Variants in MPDZ observed in about 807,000 individuals in gnomAD.
The protein encoded by MPDZ is multiple PDZ domain protein.
A neutral mutation model predicts 239.1 loss-of-function variants in MPDZ; 234 were observed. That is an observed-to-expected ratio of 0.98 (90% confidence interval 0.88 to 1.09). The LOEUF is 1.09. MPDZ is among the 50% of genes least tolerant of loss of function. The pLI, the probability that MPDZ is intolerant of heterozygous loss-of-function variation, is 0.00. For missense variants in MPDZ, 3,175 were observed against 2,510.0 expected (o/e 1.26, Z -5.66); for synonymous variants, 1,048 against 881.3 (o/e 1.19, Z -3.35).
At position 13,158,056 on chromosome 9, in the gene MPDZ, A is replaced by C. The variant is rs1950036928; in HGVS notation, c.3414T>G (p.Leu1138=). ...REEGEGEESE[L]QNTAYSNWNQ... is the part of the protein sequence containing the mutation. ...TCCAATTGCTATATGCTGTGTTTTG[A>C]AGTTCGCTTTCTTCACCCTCTCCCT... Residue 1138 remains leucine, a synonymous_variant, in exon 24 of 47, where the codon CTT becomes CTG. Transcript: ENST00000319217. 1 of 1,612,722 alleles carries C rather than the reference A, an allele frequency of 6.2e-7. No homozygotes were observed. Among genetic ancestry groups the C allele is most frequent in the Admixed American group, 1.7e-5 (1 of 59,900 alleles).
chr9:13,168,411 G>T lies in MPDZ; in HGVS notation c.3209C>A (p.Ala1070Glu), dbSNP rs1356830957. The T allele has an allele frequency of 6.2e-7, 1 of 1,613,376 alleles. No individual in the cohort carries two copies. Among genetic ancestry groups the T allele is most frequent in the East Asian group, 2.2e-5 (1 of 44,854 alleles). ...ESTISVTNAQ[A>E]RAMLRRHSLI... ...AGAATGTCTTCTCAACATAGCTCGTGCCTGGGCATTGGTTACACTGATGGT... is the reference window on the plus strand; with the variant it reads ...AGAATGTCTTCTCAACATAGCTCGTTCCTGGGCATTGGTTACACTGATGGT... Residue 1070 changes from alanine to glutamate, a missense_variant, in exon 22 of 47, where the codon GCA becomes GAA. Transcript: ENST00000319217.
chr9:13,184,381 TTCTG>T (rs888757873), intron 18 of MPDZ, among the ~76,000 whole-genome samples: 8 of 151,994 alleles, frequency 5.3e-5, no homozygotes, highest in African/African-American at 1.7e-4. Flanking sequence ...TACCAGCATT[TTCTG>T]TCTATCTTGG....
chr9:13,133,615 G>T (rs1946327480), intron 32 of MPDZ, among the ~76,000 whole-genome samples: 1 of 152,156 alleles, frequency 6.6e-6, no homozygotes, highest in African/African-American at 2.4e-5. Context: ...CATCAGGCGG[G>T]TCTAATAAAA....
At chr9:13,158,667 A>G (rs1950114166) in intron 23 of MPDZ, among the ~76,000 whole-genome samples, 1 of 152,160 alleles carries the variant, frequency 6.6e-6, no homozygotes, top group African/African-American at 2.4e-5. Flanking sequence ...GGAACCTGGC[A>G]CAGAATACTT....
intron 10 of MPDZ, 94 bp from the exon 11 acceptor site, chr9:13,206,193 T>A: frequency 8.6e-7 from 1 of 1,167,030 alleles, no homozygotes; most frequent in Non-Finnish European, 1.2e-6. Flanking sequence ...GTTGTTAGTG[T>A]GAAAAGAATG....
intron 10 of MPDZ, among the ~76,000 whole-genome samples, chr9:13,212,434 A>G (rs183935251): frequency 6.6e-6 from 1 of 152,194 alleles, no homozygotes; most frequent in Non-Finnish European, 1.5e-5. Context: ...TAAAAGAGTA[A>G]AGAAGTGAGT....
chr9:13,172,756 G>C (rs1168286323), intron 21 of MPDZ, among the ~76,000 whole-genome samples: 1 of 152,238 alleles, frequency 6.6e-6, no homozygotes, highest in East Asian at 1.9e-4. Flanking sequence ...AGGCTGTTGA[G>C]GGAGGTTTAA....
intron 43 of MPDZ, among the ~76,000 whole-genome samples, chr9:13,111,542 A>G (rs932023816): frequency 2.0e-5 from 3 of 152,344 alleles, no homozygotes; most frequent in Middle Eastern, 3.4e-3. Flanking sequence ...ATGCTCCACA[A>G]TTTGGATAAT....
At position 13,268,038 on chromosome 9, in the gene MPDZ, T is replaced by C. The variant is rs150643032; in HGVS notation, c.-58+11362A>G. ...GTAAGATAAGGTATTCAAAAGTGTT[T>C]GGAAATGGGAAGAAGCATGGAAGCA... On this transcript the variant is annotated intron_variant, in intron 1 of 46. Transcript: ENST00000319217. Among the ~76,000 whole-genome samples the C allele has an allele frequency of 2.0e-3, 306 of 152,256 alleles. 2 individuals carry two copies. The highest frequency in any genetic ancestry group is 7.2e-3 in the African/African-American group (298 of 41,548).
At chr9:13,224,198 T>C (rs528557841) in intron 4 of MPDZ, among the ~76,000 whole-genome samples, 176 bp downstream of exon 4, 2 of 152,204 alleles carry the variant, frequency 1.3e-5, no homozygotes, top group East Asian at 1.9e-4. Flanking sequence ...ATTTAAATGA[T>C]GATAAAACTG....
At chr9:13,152,541 G>T (rs1285158902) in intron 24 of MPDZ, among the ~76,000 whole-genome samples, 1 of 152,010 alleles carries the variant, frequency 6.6e-6, no homozygotes, top group Non-Finnish European at 1.5e-5. Context: ...CACCATGATT[G>T]TGAGGCCTCC....
At chr9:13,205,177 G>A (rs1277280746) in intron 11 of MPDZ, 70 bp from the exon 12 acceptor site, 3 of 829,672 alleles carry the variant, frequency 3.6e-6, no homozygotes, top group Admixed American at 7.6e-5. Context: ...TCTAAACCCA[G>A]TATATTTATT....
intron 1 of MPDZ, among the ~76,000 whole-genome samples, chr9:13,270,125 T>C (rs1329365748): frequency 6.6e-6 from 1 of 152,220 alleles, no homozygotes; most frequent in African/African-American, 2.4e-5. Flanking sequence ...TCATCTACTA[T>C]TTAAATGCCT....
At chr9:13,174,708 C>T (rs746023031) in intron 21 of MPDZ, among the ~76,000 whole-genome samples, 1 of 152,150 alleles carries the variant, frequency 6.6e-6, no homozygotes, top group Non-Finnish European at 1.5e-5. Flanking sequence ...ATATCTGTCT[C>T]ATAATTAATG....
intron 5 of MPDZ, among the ~76,000 whole-genome samples, chr9:13,222,851 C>A (rs921609225): frequency 1.4e-5 from 2 of 148,120 alleles, no homozygotes; most frequent in Non-Finnish European, 3.0e-5. Flanking sequence ...CTGGGGATCA[C>A]ATCCATAGAT....
chr9:13,206,087 T>C lies in MPDZ; in HGVS notation c.1303A>G (p.Asn435Asp). The C allele has an allele frequency of 6.2e-7, 1 of 1,605,924 alleles. No homozygotes were observed. Among genetic ancestry groups the C allele is most frequent in the Non-Finnish European group, 8.5e-7 (1 of 1,177,020 alleles). Residue 435 changes from asparagine (N) to aspartate (D), a missense_variant, in exon 11 of 47, where the codon AAC (asparagine) becomes GAC (aspartate). Physicochemically the swap from Asn to Asp is conservative, Grantham distance 23. Transcript: ENST00000319217. Reference sequence around the variant, plus strand: ...TGCTGATTAGTAAAACCCTGAAGGTTTGTGCCATCTACCTGTGATTAAAAA... The same window carrying C: ...TGCTGATTAGTAAAACCCTGAAGGTCTGTGCCATCTACCTGTGATTAAAAA... ...GDQIIAVDGTNLQGFTNQQAV... is the reference protein window; with the variant it reads ...GDQIIAVDGTDLQGFTNQQAV...
intron 10 of MPDZ, among the ~76,000 whole-genome samples, chr9:13,215,523 C>T (rs1295882213): frequency 1.3e-5 from 2 of 151,064 alleles, no homozygotes; most frequent in African/African-American, 2.4e-5. Context: ...AATAATATTG[C>T]TATGAATAAG....
In MPDZ at chr9:13,193,318, A is replaced by C. The variant is rs1955201329; in HGVS notation, c.1657-5T>G. ...AAACTTGCTCACATGGGCCACCTGA[A>C]AAGAAAAAAAAAAAGATCACCACAA... On this transcript the variant is annotated splice_polypyrimidine_tract_variant and splice_region_variant and intron_variant, in intron 13 of 46. Coordinates refer to ENST00000319217, the MANE Select transcript of MPDZ (RefSeq NM_001378778.1). 1.3e-6 allele frequency: 2 copies of C among 1,581,602 alleles called. No individual in the cohort carries two copies. Among genetic ancestry groups the C allele is most frequent in the Admixed American group, 1.8e-5 (1 of 54,242 alleles).
At chr9:13,246,051 T>C (rs1966513524) in intron 3 of MPDZ, among the ~76,000 whole-genome samples, 1 of 4,910 alleles carries the variant, frequency 2.0e-4, no homozygotes, top group African/African-American at 2.2e-4. Context: ...GTTCAACTTC[T>C]TTACACTCTG....
Sources: allele counts gnomAD v4.1 joint callset (sites outside exome capture counted in the v4.1 genomes callset), GRCh38; gene constraint gnomAD v4.1.1; transcripts MANE v1.5; gene names NCBI Gene and HGNC (gene_info 2026-07-23, HGNC 2026-07-21).